SPHKAP: variants seen among roughly 807,000 people sequenced by gnomAD.
The protein encoded by SPHKAP is A-kinase anchor protein SPHKAP.
SPHKAP carries 67 observed loss-of-function variants against 137.5 expected under a neutral mutation model. That is an observed-to-expected ratio of 0.49 (90% CI 0.40 to 0.60). The LOEUF is 0.60. Ranked by LOEUF, SPHKAP falls within the 20% of genes least tolerant of loss-of-function variation. The pLI, the probability that SPHKAP is intolerant of heterozygous loss-of-function variation, is 0.00. For synonymous variants in SPHKAP, 813 were observed against 785.3 expected (o/e 1.04, Z -0.59); for missense variants, 2,097 against 2,069.3 (o/e 1.01, Z -0.26).
chr2:228,164,488 A>G (rs1411840282), intron 1 of SPHKAP, among the ~76,000 whole-genome samples: 1 of 152,230 alleles, frequency 6.6e-6, no homozygotes, highest in Non-Finnish European at 1.5e-5. Context: ...TTGAAGTTAT[A>G]GTTTCAACAG....
intron 3 of SPHKAP, among the ~76,000 whole-genome samples, chr2:228,077,448 T>A (rs1018007260): frequency 2.0e-5 from 3 of 152,160 alleles, no homozygotes; most frequent in African/African-American, 7.2e-5. Context: ...GGAACCCACC[T>A]CTTGCATCAG....
chr2:227,995,348 C>A (rs1356648813), intron 8 of SPHKAP, among the ~76,000 whole-genome samples, 161 bp downstream of exon 8: 8 of 152,186 alleles, frequency 5.3e-5, no homozygotes, highest in Non-Finnish European at 2.9e-5. Context: ...CCTCTCAGCA[C>A]AAATCATGAC....
intron 1 of SPHKAP, among the ~76,000 whole-genome samples, chr2:228,143,576 A>G (rs1385363432): frequency 6.6e-6 from 1 of 150,442 alleles, no homozygotes; most frequent in Non-Finnish European, 1.5e-5. Context: ...GTTCACTGCA[A>G]CCTCCGCCTC....
At chr2:228,050,598 T>C (rs371306210) in intron 3 of SPHKAP, among the ~76,000 whole-genome samples, 202 of 152,354 alleles carry the variant, frequency 1.3e-3, no homozygotes, top group African/African-American at 4.7e-3. Flanking sequence ...GTAACTGAAA[T>C]ATCTATCACC....
intron 3 of SPHKAP, among the ~76,000 whole-genome samples, chr2:228,069,477 G>T (rs1206299637): frequency 1.4e-5 from 2 of 140,196 alleles, no homozygotes; most frequent in African/African-American, 2.7e-5. Context: ...AGATGGGGGG[G>T]TCTCACTCTG....
chr2:227,990,970 T>G, intron 11 of SPHKAP, 30 bp downstream of exon 11: 1 of 1,607,082 alleles, frequency 6.2e-7, no homozygotes, highest in Non-Finnish European at 8.5e-7. Context: ...ACACAAAGCT[T>G]TCTTGTTTTC....
Position 228,016,823 on chromosome 2 carries a change from G to A in SPHKAP, c.4031C>T (p.Ala1344Val), listed in dbSNP as rs886134736. The A allele has an allele frequency of 1.2e-6, 2 of 1,613,880 alleles. No homozygotes were observed. Among genetic ancestry groups the A allele is most frequent in the African/African-American group, 2.7e-5 (2 of 74,872 alleles). Residue 1344 changes from alanine to valine, a missense_variant, in exon 7 of 12, where the codon GCA becomes GTA. Coordinates refer to ENST00000392056, the MANE Select transcript of SPHKAP (RefSeq NM_001142644.2). ...AGCTAATCTATTTGCACACTTCTCT[G>A]CTTGCGAGGGAGAGCCACCAGAAAC... ...EPVSGGSPSQ[A>V]EKCANRLAAS... is the part of the protein sequence containing the mutation.
chr2:227,981,711 G>A lies in SPHKAP; in HGVS notation c.*6C>T, dbSNP rs1232769915. ...GAAGGAATGATCTATACGGCAGACT[G>A]CCTTATTATCCCAGTTCCAAGAGCC... On this transcript the variant is annotated 3_prime_UTR_variant, in exon 12 of 12. Transcript: ENST00000392056. 1 of 1,612,088 alleles carries A rather than the reference G, an allele frequency of 6.2e-7. No homozygotes were observed. The highest frequency in any genetic ancestry group is 8.5e-7 in the Non-Finnish European group (1 of 1,179,058).
At chr2:228,067,057 A>C (rs1489715160) in intron 3 of SPHKAP, among the ~76,000 whole-genome samples, 1 of 152,238 alleles carries the variant, frequency 6.6e-6, no homozygotes, top group Admixed American at 6.5e-5. Flanking sequence ...TGACTAAAAA[A>C]GTGCAGATCC....
At chr2:227,997,475 A>T (rs1472270265) in intron 7 of SPHKAP, among the ~76,000 whole-genome samples, 1 of 152,242 alleles carries the variant, frequency 6.6e-6, no homozygotes, top group African/African-American at 2.4e-5. Flanking sequence ...ATTAGAAAAA[A>T]AATCATTTAA....
chr2:228,176,152 C>T (rs1198565532), intron 1 of SPHKAP, among the ~76,000 whole-genome samples: 1 of 152,142 alleles, frequency 6.6e-6, no homozygotes, highest in East Asian at 1.9e-4. Flanking sequence ...TGTGACAGAA[C>T]CGGGATCTTA....
At chr2:228,170,065 G>A (rs1700538667) in intron 1 of SPHKAP, among the ~76,000 whole-genome samples, 1 of 151,954 alleles carries the variant, frequency 6.6e-6, no homozygotes, top group African/African-American at 2.4e-5. Context: ...GGGGTTCAAG[G>A]CTTCAGTGGC....
intron 3 of SPHKAP, among the ~76,000 whole-genome samples, chr2:228,071,310 T>G (rs1237273776): frequency 6.6e-6 from 1 of 152,228 alleles, no homozygotes; most frequent in East Asian, 1.9e-4. Context: ...TCATCTATAT[T>G]AAAAACCTGT....
chr2:228,173,001 A>G (rs1700630693), intron 1 of SPHKAP: 1 of 983,326 alleles, frequency 1.0e-6, no homozygotes, highest in Non-Finnish European at 1.2e-6. Flanking sequence ...GCTGAATAGC[A>G]TTAATGACCA....
chr2:228,017,635 G>T lies in SPHKAP; in HGVS notation c.3219C>A (p.Asp1073Glu). 1 of 1,613,964 alleles carries T rather than the reference G, an allele frequency of 6.2e-7. No individual in the cohort carries two copies. Among genetic ancestry groups the T allele is most frequent in the Non-Finnish European group, 8.5e-7 (1 of 1,180,032 alleles). Residue 1073 changes from aspartate to glutamate, a missense_variant, in exon 7 of 12, where the codon GAC (aspartate) becomes GAA (glutamate). Coordinates refer to ENST00000392056, the MANE Select transcript of SPHKAP (RefSeq NM_001142644.2). ...GYPRNRLLSG[D>E]RWSRLKASSC... The stretch of plus-strand genomic sequence containing the variant: ...TGGAGGCCTTCAGCCGGCTCCACCT[G>T]TCGCCACTCAGTAACCGATTCCGGG...
intron 1 of SPHKAP, among the ~76,000 whole-genome samples, chr2:228,152,406 T>C (rs1204780496): frequency 6.6e-6 from 1 of 152,160 alleles, no homozygotes; most frequent in Admixed American, 6.5e-5. Flanking sequence ...GCAATGTCTT[T>C]CCATTTTAAA....
intron 7 of SPHKAP, among the ~76,000 whole-genome samples, chr2:228,014,579 G>A (rs550412176): frequency 2.0e-5 from 3 of 152,310 alleles, no homozygotes; most frequent in African/African-American, 7.2e-5. Context: ...GGAAAGTTAA[G>A]TTCTTAGTAC....
chr2:228,132,856 A>AAAAAAAAAAAAC, intron 1 of SPHKAP, among the ~76,000 whole-genome samples: 2 of 150,326 alleles, frequency 1.3e-5, no homozygotes, highest in African/African-American at 2.4e-5. Flanking sequence ...AAAAAAAAAT[A>AAAAAAAAAAAAC]AGCCAGGTGT....
At chr2:228,122,252 T>C in intron 2 of SPHKAP, among the ~76,000 whole-genome samples, 1 of 152,084 alleles carries the variant, frequency 6.6e-6, no homozygotes. Flanking sequence ...CACAAAATGT[T>C]CTAAGCTATT....
Sources: gnomAD v4.1 joint callset for allele counts (sites outside exome capture counted in the v4.1 genomes callset) on GRCh38, gnomAD v4.1.1 for gene constraint, MANE v1.5 for transcripts, NCBI Gene and HGNC (gene_info 2026-07-23, HGNC 2026-07-21) for gene names.